DHX40: variants seen among roughly 807,000 people sequenced by gnomAD.
DHX40 encodes the protein probable ATP-dependent RNA helicase DHX40.
A neutral mutation model predicts 89.6 loss-of-function variants in DHX40; 28 were observed. The ratio of observed to expected loss-of-function variants is 0.31; its 90% CI spans 0.23 to 0.43. The LOEUF is 0.43. Ranked by LOEUF, DHX40 falls within the 20% of genes least tolerant of loss-of-function variation. The pLI, the probability that DHX40 is intolerant of heterozygous loss-of-function variation, is 1.00. For synonymous variants in DHX40, 226 were observed against 283.6 expected, an observed-to-expected ratio of 0.80 and a Z score of 2.04; for missense variants, 457 against 844.0, an observed-to-expected ratio of 0.54 and a Z score of 5.68.
chr17:59,570,134 AATATAT>A (rs1428049434), intron 2 of DHX40, among the ~76,000 whole-genome samples: 4 of 130,090 alleles, frequency 3.1e-5, no homozygotes, highest in African/African-American at 1.2e-4. Context: ...ATTTATATAT[AATATAT>A]TATAAATTAT....
In DHX40 at chr17:59,566,692, A is replaced by G. The variant is rs746457998; in HGVS notation, c.178A>G (p.Lys60Glu). The G allele has an allele frequency of 3.3e-5, 53 of 1,607,216 alleles. No individual in the cohort carries two copies. Among genetic ancestry groups the G allele is most frequent in the Non-Finnish European group, 3.8e-5 (45 of 1,178,334 alleles). Residue 60 changes from lysine (K) to glutamate (E), a missense_variant, in exon 2 of 18, where the codon AAA becomes GAA. Lys to Glu is a moderately conservative substitution (Grantham distance 56). Transcript: ENST00000251241. ...TPTFPIQKQR[K>E]KIIQAVRDNS... is the part of the protein sequence containing the mutation. ...AACTTTTCCTATTCAGAAACAAAGA[A>G]AAAAGATTATTCAAGCTGTGAGGGA...
chr17:59,573,790 T>C lies in DHX40; in HGVS notation c.597T>C (p.Asn199=). ...LKKLFQEKSP[N]RKEHLKVVVM... Reference sequence around the variant, plus strand: ...AGCTATTTCAGGAGAAGTCTCCTAATAGGAAGGAGCATTTAAAAGTGGTGG... The same window carrying C: ...AGCTATTTCAGGAGAAGTCTCCTAACAGGAAGGAGCATTTAAAAGTGGTGG... Residue 199 remains asparagine (N), a synonymous_variant, in exon 5 of 18, where the codon AAT becomes AAC. Coordinates refer to ENST00000251241, the MANE Select transcript of DHX40 (RefSeq NM_024612.5). 3.7e-6 allele frequency: 6 copies of C among 1,613,920 alleles called. No individual in the cohort carries two copies. Among genetic ancestry groups the C allele is most frequent in the East Asian group, 2.2e-5 (1 of 44,834 alleles).
intron 2 of DHX40, among the ~76,000 whole-genome samples, chr17:59,570,191 A>ATAATATATTATAATATATATTATATATT (rs2048781085): frequency 3.4e-5 from 4 of 119,168 alleles, no homozygotes; most frequent in African/African-American, 1.5e-4. Context: ...TATATAATAT[A>ATAATATATTATAATATATATTATATATT]TAATATATTA....
chr17:59,565,621 C>T lies in DHX40; in HGVS notation c.-51C>T. 6.6e-7 allele frequency: 1 copy of T among 1,525,272 alleles called. No homozygotes were observed. The highest frequency in any genetic ancestry group is 8.9e-7 in the Non-Finnish European group (1 of 1,128,026). The allele number at this position is 1,525,272 out of a possible 1,614,324, so 94.5% of individuals were successfully genotyped here. ...CAGGGCGCGTCCTCGTCTTTCCCCTCCCATCTCCTCAGATCGGTGGACGTG... is the reference window on the plus strand; with the variant it reads ...CAGGGCGCGTCCTCGTCTTTCCCCTTCCATCTCCTCAGATCGGTGGACGTG... On this transcript the variant is annotated 5_prime_UTR_variant, in exon 1 of 18. Transcript: ENST00000251241.
intron 11 of DHX40, among the ~76,000 whole-genome samples, chr17:59,587,513 C>T (rs1194875156): frequency 2.0e-5 from 3 of 150,082 alleles, no homozygotes; most frequent in Non-Finnish European, 3.0e-5. Flanking sequence ...GTGTAATCCC[C>T]CTCAGCCTCC....
intron 2 of DHX40, among the ~76,000 whole-genome samples, chr17:59,567,623 CA>C (rs2048725067): frequency 2.0e-5 from 3 of 152,132 alleles, no homozygotes; most frequent in African/African-American, 7.2e-5. Context: ...GTTAGAATCA[CA>C]AAAGCCAATT....
At chr17:59,605,832 G>A (rs1468928284) in intron 17 of DHX40, 158 bp downstream of exon 17, 1 of 740,534 alleles carries the variant, frequency 1.4e-6, no homozygotes, top group Non-Finnish European at 2.3e-6. Flanking sequence ...AGGCATGTTG[G>A]TGTGCACCTG....
intron 2 of DHX40, among the ~76,000 whole-genome samples, chr17:59,567,025 A>G (rs2048715915): frequency 6.6e-6 from 1 of 152,198 alleles, no homozygotes; most frequent in South Asian, 2.1e-4. Context: ...AATCTCAAAT[A>G]GAATTACATC....
intron 15 of DHX40, 74 bp downstream of exon 15, chr17:59,602,690 T>G: frequency 2.4e-6 from 3 of 1,240,898 alleles, no homozygotes; most frequent in Non-Finnish European, 3.4e-6. Flanking sequence ...CTATTTAATA[T>G]TAAACATTGA....
intron 2 of DHX40, among the ~76,000 whole-genome samples, chr17:59,569,199 G>A (rs574702306): frequency 2.0e-5 from 3 of 152,170 alleles, no homozygotes; most frequent in Non-Finnish European, 2.9e-5. Flanking sequence ...GTGGTGGCGC[G>A]CACCTGTAAT....
chr17:59,589,326 G>A (rs1337088274), intron 12 of DHX40, among the ~76,000 whole-genome samples: 20 of 144,838 alleles, frequency 1.4e-4, no homozygotes, highest in Admixed American at 7.2e-4. Context: ...GATTCGTGCC[G>A]TTCTCTCGCC....
rs536785200 is a variant in DHX40, at chr17:59,607,290, A to G, written c.*118A>G. On this transcript the variant is annotated 3_prime_UTR_variant, in exon 18 of 18. Transcript: ENST00000251241. ...GGTGGTCAGCACTTGTTATTGGCCTATGAACTAAAAGCAAATCAAAGCTCA... is the reference window on the plus strand; with the variant it reads ...GGTGGTCAGCACTTGTTATTGGCCTGTGAACTAAAAGCAAATCAAAGCTCA... 6.4e-5 allele frequency: 101 copies of G among 1,589,924 alleles called. No homozygotes were observed. The highest frequency in any genetic ancestry group is 1.7e-4 in the Middle Eastern group (1 of 5,942).
At chr17:59,568,589 A>G (rs541280741) in intron 2 of DHX40, among the ~76,000 whole-genome samples, 1 of 152,180 alleles carries the variant, frequency 6.6e-6, no homozygotes, top group Middle Eastern at 3.4e-3. Flanking sequence ...TAAGAAATTA[A>G]CAACAACAAC....
At chr17:59,576,918 G>A in intron 7 of DHX40, 1 of 235,252 alleles carries the variant, frequency 4.3e-6, no homozygotes, top group Non-Finnish European at 8.6e-6. Flanking sequence ...CGCCCAGGCT[G>A]GAGTGCAGTG....
intron 12 of DHX40, among the ~76,000 whole-genome samples, chr17:59,591,671 T>G (rs1179922383): frequency 6.6e-6 from 1 of 151,542 alleles, no homozygotes; most frequent in East Asian, 1.9e-4. Flanking sequence ...TCCGCAATTT[T>G]TAACATTTTA....
chr17:59,575,072 T>G (rs575808569), intron 6 of DHX40, among the ~76,000 whole-genome samples: 1 of 151,812 alleles, frequency 6.6e-6, no homozygotes, highest in Non-Finnish European at 1.5e-5. Context: ...AACAATTTGG[T>G]GAGTCTTCTC....
intron 2 of DHX40, among the ~76,000 whole-genome samples, chr17:59,570,221 AATAT>A (rs1567858722): frequency 8.7e-6 from 1 of 114,978 alleles, no homozygotes; most frequent in African/African-American, 4.5e-5. Context: ...TTATATATTA[AATAT>A]ATATTAGTAT....
At chr17:59,565,888 A>T in intron 1 of DHX40, 105 bp downstream of exon 1, 1 of 978,062 alleles carries the variant, frequency 1.0e-6, no homozygotes, top group Non-Finnish European at 1.4e-6. Context: ...GTAGTGAGGA[A>T]GCCGTGGCGT....
In DHX40 at chr17:59,605,590, G is replaced by T; in HGVS notation, c.2116G>T (p.Asp706Tyr). Reference protein sequence around the residue: ...LPKLHEFNAHDLSSVARREVR... With the variant: ...LPKLHEFNAHYLSSVARREVR... The stretch of plus-strand genomic sequence containing the variant: ...CAAGTTGCATGAATTTAATGCACAT[G>T]ATTTGAGCAGTGTGGCCCGACGTGA... Residue 706 changes from aspartate (D) to tyrosine (Y), a missense_variant, in exon 17 of 18, where the codon GAT becomes TAT. By Grantham distance (160) the Asp-to-Tyr change is radical. Coordinates refer to ENST00000251241, the MANE Select transcript of DHX40 (RefSeq NM_024612.5). 6.2e-7 allele frequency: 1 copy of T among 1,614,134 alleles called. No individual in the cohort carries two copies. The highest frequency in any genetic ancestry group is 8.5e-7 in the Non-Finnish European group (1 of 1,180,012).
Sources: allele counts gnomAD v4.1 joint callset (sites outside exome capture counted in the v4.1 genomes callset), GRCh38; gene constraint gnomAD v4.1.1; transcripts MANE v1.5; gene names NCBI Gene and HGNC (gene_info 2026-07-23, HGNC 2026-07-21).